The following BAZ1B variants were observed in gnomAD, a reference collection of about 807,000 sequenced individuals.
BAZ1B encodes bromodomain adjacent to zinc finger domain 1B, also known as tyrosine-protein kinase BAZ1B.
In BAZ1B, 22 loss-of-function variants were observed where a neutral mutation model predicts 153.8. That is an observed-to-expected ratio of 0.14 (90% confidence interval 0.10 to 0.20). BAZ1B has a LOEUF of 0.20. BAZ1B is among the 10% of genes least tolerant of loss of function. The pLI is 1.00. For synonymous variants in BAZ1B, 676 were observed against 633.4 expected (o/e 1.07, Z -1.01); for missense variants, 1,325 against 1,799.3 (o/e 0.74, Z 4.77).
Position 73,522,044 on chromosome 7 carries a change from G to C in BAZ1B, c.-111C>G, listed in dbSNP as rs1284700320. ...GCGCCCGGGGGTGGGGTGGGGGAAG[G>C]GAGGGGTGAGAGGGCGGCGCGAACT... is the stretch of plus-strand genomic sequence containing the variant. On this transcript the variant is annotated 5_prime_UTR_variant, in exon 1 of 20. Transcript: ENST00000339594. 1.4e-6 allele frequency: 1 copy of C among 713,834 alleles called. No individual in the cohort carries two copies. The highest frequency in any genetic ancestry group is 4.4e-5 in the Admixed American group (1 of 22,750). 44.2% of individuals were successfully genotyped at this position (713,834 alleles called of 1,614,324 possible).
intron 7 of BAZ1B, among the ~76,000 whole-genome samples, chr7:73,472,071 C>T (rs952827702): frequency 2.0e-5 from 3 of 152,190 alleles, no homozygotes; most frequent in Admixed American, 6.5e-5. Flanking sequence ...CTTGGTAAAA[C>T]ACTAATATTC....
intron 3 of BAZ1B, among the ~76,000 whole-genome samples, chr7:73,499,667 A>G (rs781926329): frequency 2.6e-5 from 4 of 152,086 alleles, no homozygotes; most frequent in Non-Finnish European, 5.9e-5. Flanking sequence ...GTGCCACCAC[A>G]CTCCGGCCTA....
rs782730744 is a variant in BAZ1B at position 73,465,452 on chromosome 7, T to C, written c.3058A>G (p.Arg1020Gly). ...QGIRESQLKERLEKRYQDIIH... is the reference protein window; with the variant it reads ...QGIRESQLKEGLEKRYQDIIH... ...AAAACCTCTTACCTCTTCTCTAGTC[T>C]CTCTTTAAGTTGACTTTCTCTTATT... The change falls in exon 11 of 20, where the codon AGA becomes GGA. Residue 1020 changes from arginine (R) to glycine (G), a missense_variant. Coordinates refer to ENST00000339594, the MANE Select transcript of BAZ1B (RefSeq NM_032408.4). 9 of 1,600,084 alleles carry C rather than the reference T, an allele frequency of 5.6e-6. No homozygotes were observed. The highest frequency in any genetic ancestry group is 1.7e-5 in the Admixed American group (1 of 58,622).
At chr7:73,441,778 G>A (rs569622987) in intron 19 of BAZ1B, 85 bp from the exon 20 acceptor site, 2 of 198,302 alleles carry the variant, frequency 1.0e-5, no homozygotes, top group Admixed American at 5.4e-5. Context: ...AAGAAAAATC[G>A]CCACCATCTC....
intron 1 of BAZ1B, among the ~76,000 whole-genome samples, chr7:73,521,357 T>A (rs954304648): frequency 5.9e-5 from 9 of 152,196 alleles, no homozygotes; most frequent in East Asian, 3.9e-4. Context: ...CGCAGTTGAG[T>A]CTTGCACACG....
intron 6 of BAZ1B, among the ~76,000 whole-genome samples, chr7:73,484,312 T>TAGACAGACAGACAGAC (rs1158399182): frequency 1.3e-5 from 2 of 149,258 alleles, no homozygotes; most frequent in African/African-American, 5.1e-5. Context: ...GATAGATAGA[T>TAGACAGACAGACAGAC]AGACAGACAG....
intron 7 of BAZ1B, among the ~76,000 whole-genome samples, chr7:73,476,308 G>T (rs1054545278): frequency 1.6e-4 from 24 of 152,090 alleles, no homozygotes; most frequent in Non-Finnish European, 1.5e-5. Context: ...ACTGTATGTC[G>T]ATTATTTCTT....
At chr7:73,517,815 C>T (rs945625576) in intron 1 of BAZ1B, among the ~76,000 whole-genome samples, 1 of 152,182 alleles carries the variant, frequency 6.6e-6, no homozygotes, top group Non-Finnish European at 1.5e-5. Context: ...CCATCAGCTA[C>T]CTCCTTATCA....
At chr7:73,475,630 G>A (rs905689412) in intron 7 of BAZ1B, among the ~76,000 whole-genome samples, 12 of 152,112 alleles carry the variant, frequency 7.9e-5, no homozygotes, top group Admixed American at 2.6e-4. Context: ...GCCAGGCATG[G>A]TGGCTGGCCC....
chr7:73,462,718 T>G, intron 12 of BAZ1B: 2 of 583,518 alleles, frequency 3.4e-6, no homozygotes, highest in South Asian at 4.1e-5. Context: ...AGCCAATTAC[T>G]AAGTTTTTCT....
chr7:73,521,771 G>A, intron 1 of BAZ1B, 56 bp downstream of exon 1: 6 of 1,401,468 alleles, frequency 4.3e-6, no homozygotes, highest in Non-Finnish European at 5.7e-6. Flanking sequence ...GCGAGCCCCA[G>A]GCCCTACCCC....
chr7:73,481,660 T>C (rs1789205411), intron 6 of BAZ1B, among the ~76,000 whole-genome samples: 1 of 152,102 alleles, frequency 6.6e-6, no homozygotes, highest in Non-Finnish European at 1.5e-5. Context: ...CTAAGCTATC[T>C]AACTTCAAAG....
intron 1 of BAZ1B, among the ~76,000 whole-genome samples, chr7:73,520,266 G>C (rs1583967301): frequency 6.6e-6 from 1 of 150,822 alleles, no homozygotes; most frequent in Non-Finnish European, 1.5e-5. Context: ...ATTTGGTAGA[G>C]CTAGTGGAAC....
chr7:73,521,828 C>G lies in BAZ1B; in HGVS notation c.106G>C (p.Glu36Gln). ...GCCCGCGCGGCTGGAAAAGGATACTCCCGGGTGCGGAAGGCCTCCTGAGTG... is the reference window on the plus strand; with the variant it reads ...GCCCGCGCGGCTGGAAAAGGATACTGCCGGGTGCGGAAGGCCTCCTGAGTG... Reference protein sequence around the residue: ...PHTQEAFRTREEYEARLERYS... With the variant: ...PHTQEAFRTRQEYEARLERYS... The change falls in exon 1 of 20, where the codon GAA (glutamate) becomes CAA (glutamine). Residue 36 changes from glutamate (E) to glutamine (Q), a missense_variant and splice_region_variant. This residue lies in a region of BAZ1B where 61 missense variants were observed against 61.5 expected (regional missense o/e 0.99). Coordinates refer to ENST00000339594, the MANE Select transcript of BAZ1B (RefSeq NM_032408.4). 1.3e-6 allele frequency: 2 copies of G among 1,497,290 alleles called. No individual in the cohort carries two copies. The highest frequency in any genetic ancestry group is 1.8e-6 in the Non-Finnish European group (2 of 1,118,288). 92.8% of individuals were successfully genotyped at this position (1,497,290 alleles called of 1,614,324 possible). A position where few individuals can be genotyped will look rare whatever the true frequency, so the allele number is the denominator to read the frequency against.
intron 11 of BAZ1B, 126 bp from the exon 12 acceptor site, chr7:73,463,225 GTTTT>G: frequency 2.9e-6 from 2 of 687,198 alleles, no homozygotes; most frequent in Non-Finnish European, 2.3e-6. Context: ...TCTCCCTGGT[GTTTT>G]TTCTTTTTTC....
chr7:73,507,241 GAAT>G (rs1790380993), intron 3 of BAZ1B: 1 of 152,034 alleles, frequency 6.6e-6, no homozygotes, highest in Admixed American at 6.6e-5. Flanking sequence ...AATGAAACTG[GAAT>G]AATATGGAGA....
intron 7 of BAZ1B, among the ~76,000 whole-genome samples, chr7:73,472,550 C>T (rs1484291542): frequency 6.6e-5 from 10 of 152,292 alleles, no homozygotes; most frequent in Middle Eastern, 6.8e-3. Context: ...TGAGCCACTG[C>T]GCCCGGCCGC....
In BAZ1B at chr7:73,477,382, C is replaced by T. The variant is rs1554572970; in HGVS notation, c.2079G>A (p.Arg693=). Residue 693 remains arginine (R), a synonymous_variant, in exon 7 of 20, where the codon CGG becomes CGA. Transcript: ENST00000339594. The surrounding 1 kb of genome is among the most constrained non-coding windows in gnomAD (Gnocchi z 5.6). ...LTLHSVSELV[R]LCLRRSDVQE... is the part of the protein sequence containing the mutation. ...GAACATCAGATCTGCGCAAGCAGAG[C>T]CGCACCAGCTCTGAAACAGAATGCA... 12 of 1,614,256 alleles carry T rather than the reference C, an allele frequency of 7.4e-6. No individual in the cohort carries two copies. The highest frequency in any genetic ancestry group is 1.0e-5 in the Non-Finnish European group (12 of 1,180,038).
intron 5 of BAZ1B, 34 bp downstream of exon 5, chr7:73,492,766 T>C (rs1377822289): frequency 1.3e-6 from 2 of 1,552,924 alleles, no homozygotes; most frequent in East Asian, 2.3e-5. Context: ...TTAAAGAACA[T>C]CTATCACATG....
Sources: gnomAD v4.1 joint callset for allele counts (sites outside exome capture counted in the v4.1 genomes callset) on GRCh38, gnomAD v4.1.1 for gene constraint, gnomAD v4.1.1 regional missense constraint, Gnocchi (gnomAD v3.1) non-coding constraint, MANE v1.5 for transcripts, NCBI Gene and HGNC (gene_info 2026-07-23, HGNC 2026-07-21) for gene names.